The following PDIA5 variants were observed in gnomAD, a reference collection of about 807,000 sequenced individuals.
PDIA5 encodes the protein protein disulfide isomerase family A member 5.
PDIA5 carries 58 observed loss-of-function variants against 77.6 expected under a neutral mutation model. The ratio of observed to expected loss-of-function variants is 0.75; its 90% CI spans 0.61 to 0.93. The LOEUF (loss-of-function observed/expected upper bound fraction) is 0.93, where lower values mean the gene tolerates loss of function less well. Among genes scored for constraint, PDIA5 ranks in the 40% least tolerant of loss-of-function variants. The probability of loss-of-function intolerance (pLI) is 0.00; values close to 1 mark genes in which losing one functional copy is unlikely to be tolerated. For missense variants in PDIA5, 630 were observed against 647.7 expected, an observed-to-expected ratio of 0.97 and a Z score of 0.30; for synonymous variants, 250 against 252.1, an observed-to-expected ratio of 0.99 and a Z score of 0.08.
At chr3:123,128,704 G>A (rs1935298720) in intron 10 of PDIA5, among the ~76,000 whole-genome samples, 1 of 151,850 alleles carries the variant, frequency 6.6e-6, no homozygotes, top group Non-Finnish European at 1.5e-5. Flanking sequence ...TTGTAGAGAT[G>A]GAGTCTCACT....
intron 1 of PDIA5, among the ~76,000 whole-genome samples, chr3:123,083,038 A>C (rs550269627): frequency 6.6e-6 from 1 of 152,286 alleles, no homozygotes; most frequent in East Asian, 1.9e-4. Flanking sequence ...TTACAAGAGC[A>C]CGGCAGGGGG....
At chr3:123,068,053 C>T (rs1327414055) in intron 1 of PDIA5, among the ~76,000 whole-genome samples, 1 of 152,124 alleles carries the variant, frequency 6.6e-6, no homozygotes, top group Non-Finnish European at 1.5e-5. Flanking sequence ...CCTGCCGGCC[C>T]AGGTCTGGGG....
chr3:123,135,971 C>G (rs1214951844), intron 11 of PDIA5, among the ~76,000 whole-genome samples: 1 of 138,818 alleles, frequency 7.2e-6, no homozygotes, highest in African/African-American at 2.7e-5. Flanking sequence ...TTTTTCTTTT[C>G]TTTTTTTAGA....
rs370968904 is a variant in PDIA5 at position 123,117,374 on chromosome 3, TTATATATATA to T, written c.609+1092_609+1101del. ...CTTTCTACTTTCTGTTTCTATGATT[TTATATATATA>T]TATATATATATATATTCTGTTTTAG... On this transcript the variant is annotated intron_variant, in intron 8 of 16. Transcript: ENST00000316218. Among the ~76,000 whole-genome samples, 154 of 79,876 alleles carry T rather than the reference TTATATATATA, an allele frequency of 1.9e-3. 2 individuals are homozygous for T. The highest frequency in any genetic ancestry group is 2.3e-3 in the African/African-American group (48 of 20,782). The allele number at this position is 79,876 out of a possible 152,430, so 52.4% of individuals were successfully genotyped here.
chr3:123,129,076 T>C (rs1174057660), intron 10 of PDIA5, among the ~76,000 whole-genome samples: 1 of 148,710 alleles, frequency 6.7e-6, no homozygotes, highest in East Asian at 2.0e-4. Flanking sequence ...CAACCTGCAG[T>C]GAATGCCTTC....
chr3:123,144,176 T>C (rs1278522775), intron 11 of PDIA5, among the ~76,000 whole-genome samples: 1 of 152,182 alleles, frequency 6.6e-6, no homozygotes, highest in Non-Finnish European at 1.5e-5. Flanking sequence ...GGAAAGCCGA[T>C]TCCGTAGCTC....
intron 1 of PDIA5, among the ~76,000 whole-genome samples, chr3:123,085,538 G>A (rs1418511249): frequency 1.3e-5 from 2 of 152,208 alleles, no homozygotes; most frequent in Admixed American, 1.3e-4. Flanking sequence ...ATGACCTGCG[G>A]GATGGACTGG....
intron 7 of PDIA5, among the ~76,000 whole-genome samples, chr3:123,115,476 G>A (rs530774156): frequency 3.9e-4 from 59 of 152,306 alleles, no homozygotes; most frequent in African/African-American, 1.4e-3. Context: ...CCGGAGGGCT[G>A]AGCCAAGGCC....
At chr3:123,111,847 A>G (rs575873470) in intron 7 of PDIA5, among the ~76,000 whole-genome samples, 3 of 152,346 alleles carry the variant, frequency 2.0e-5, no homozygotes, top group Admixed American at 6.5e-5. Context: ...TGTTTACCAG[A>G]TGTAATGCCC....
Position 123,161,475 on chromosome 3 carries a change from C to CT in PDIA5, c.1479+21dup, listed in dbSNP as rs1158496828. The stretch of plus-strand genomic sequence containing the variant: ...CGCACAGTAAGTGGGGGAGAGGCGT[C>CT]TGCCCAGAGCTCTCTCTCTGCTGAT... On this transcript the variant is annotated intron_variant, in intron 16 of 16. Transcript: ENST00000316218. 1.9e-5 allele frequency: 31 copies of CT among 1,609,848 alleles called. No homozygotes were observed. Among genetic ancestry groups the CT allele is most frequent in the Non-Finnish European group, 2.3e-5 (27 of 1,178,290 alleles).
intron 7 of PDIA5, among the ~76,000 whole-genome samples, chr3:123,112,528 C>T (rs961302745): frequency 6.8e-6 from 1 of 145,998 alleles, no homozygotes; most frequent in African/African-American, 2.5e-5. Flanking sequence ...TTTCCCCAGC[C>T]CTATTCTTTT....
chr3:123,137,452 T>A (rs1199177010), intron 11 of PDIA5, among the ~76,000 whole-genome samples: 2 of 152,230 alleles, frequency 1.3e-5, no homozygotes, highest in Non-Finnish European at 2.9e-5. Flanking sequence ...GTTCCATTAG[T>A]CTATTTCTTG....
chr3:123,097,438 C>T (rs543152187), intron 3 of PDIA5, among the ~76,000 whole-genome samples: 1 of 152,170 alleles, frequency 6.6e-6, no homozygotes. Context: ...TAATCCAGAC[C>T]TTGTGATGTA....
rs368438346 is a variant in PDIA5, at chr3:123,124,332, G to A, written c.762G>A (p.Glu254=). The change falls in exon 10 of 17, where the codon GAG becomes GAA. Residue 254 remains glutamate (E), a synonymous_variant. Transcript: ENST00000316218. ...GGTCCACAGCTGAGGACATTGTGGA[G>A]TGGCTGAAGAAGTAAGTGGGGTGTG... is the stretch of plus-strand genomic sequence containing the variant. ...NYGSTAEDIV[E]WLKNPQPPQP... is the part of the protein sequence containing the mutation. The A allele has an allele frequency of 1.3e-5, 21 of 1,612,706 alleles. No individual in the cohort carries two copies. The highest frequency in any genetic ancestry group is 2.7e-5 in the African/African-American group (2 of 74,898).
chr3:123,161,343 G>C lies in PDIA5; in HGVS notation c.1367G>C (p.Cys456Ser), dbSNP rs1321155277. ...TAGATTGCCTGTGCCGCTGTTGACT[G>C]TGTCAAAGACAAGAACCAAGACCTG... Reference protein sequence around the residue: ...DRKIACAAVDCVKDKNQDLCQ... With the variant: ...DRKIACAAVDSVKDKNQDLCQ... The change falls in exon 16 of 17, where the codon TGT (cysteine) becomes TCT (serine). Residue 456 changes from cysteine (C) to serine (S), a missense_variant. Coordinates refer to ENST00000316218, the MANE Select transcript of PDIA5 (RefSeq NM_006810.4). The C allele has an allele frequency of 6.2e-7, 1 of 1,614,154 alleles. No homozygotes were observed. Among genetic ancestry groups the C allele is most frequent in the Non-Finnish European group, 8.5e-7 (1 of 1,180,006 alleles).
chr3:123,153,882 G>A (rs1335183203), intron 14 of PDIA5, among the ~76,000 whole-genome samples: 2 of 152,176 alleles, frequency 1.3e-5, no homozygotes, highest in East Asian at 1.9e-4. Flanking sequence ...TGTTCCCACC[G>A]TGGCATCTCT....
At chr3:123,112,436 C>G (rs1934884828) in intron 7 of PDIA5, among the ~76,000 whole-genome samples, 1 of 152,020 alleles carries the variant, frequency 6.6e-6, no homozygotes, top group Admixed American at 6.5e-5. Flanking sequence ...GGGGATGACG[C>G]CCCCCAGCCG....
At chr3:123,145,483 T>C (rs552389533) in intron 11 of PDIA5, 39 bp from the exon 12 acceptor site, 1 of 1,559,020 alleles carries the variant, frequency 6.4e-7, no homozygotes, top group African/African-American at 1.4e-5. Flanking sequence ...CGAGGGCCTC[T>C]GTGCCATAAG....
chr3:123,116,554 G>C (rs79059500), intron 8 of PDIA5, among the ~76,000 whole-genome samples: 1 of 152,264 alleles, frequency 6.6e-6, no homozygotes. Flanking sequence ...ACACCAGCAA[G>C]ATGCACATGT....
Sources: gnomAD v4.1 joint callset for allele counts (sites outside exome capture counted in the v4.1 genomes callset) on GRCh38, gnomAD v4.1.1 for gene constraint, MANE v1.5 for transcripts, NCBI Gene and HGNC (gene_info 2026-07-23, HGNC 2026-07-21) for gene names.